PLXNA2: variants seen among roughly 807,000 people sequenced by gnomAD.
PLXNA2 encodes plexin A2.
Under a neutral mutation model 193.5 loss-of-function variants are expected in PLXNA2, and 91 were observed. The observed-to-expected ratio is 0.47, with a 90% CI of 0.40 to 0.56. PLXNA2 has a LOEUF of 0.56. Among genes scored for constraint, PLXNA2 ranks in the 20% least tolerant of loss-of-function variants. The pLI is 0.00. For synonymous variants in PLXNA2, 997 were observed against 1,027.3 expected (o/e 0.97, Z 0.56); for missense variants, 1,995 against 2,503.2 (o/e 0.80, Z 4.33).
chr1:208,094,125 A>G (rs1666799682), intron 8 of PLXNA2, among the ~76,000 whole-genome samples: 1 of 152,100 alleles, frequency 6.6e-6, no homozygotes. Flanking sequence ...ATGCTATCTC[A>G]TGTACTCTCA....
chr1:208,027,353 C>A lies in PLXNA2; in HGVS notation c.5590-15G>T. On this transcript the variant is annotated splice_polypyrimidine_tract_variant and intron_variant, in intron 31 of 31. Coordinates refer to ENST00000367033, the MANE Select transcript of PLXNA2 (RefSeq NM_025179.4). ...GCCCCGATGAGCTGAGGAGCAAAAA[C>A]AAAGGCAGGAAGACTTCAGGACTCA... The A allele has an allele frequency of 6.2e-7, 1 of 1,609,092 alleles. No individual in the cohort carries two copies. Among genetic ancestry groups the A allele is most frequent in the Non-Finnish European group, 8.5e-7 (1 of 1,178,362 alleles).
intron 12 of PLXNA2, among the ~76,000 whole-genome samples, chr1:208,077,661 G>A (rs1346930620): frequency 1.3e-5 from 2 of 152,224 alleles, no homozygotes; most frequent in Non-Finnish European, 2.9e-5. Flanking sequence ...CAGGGGGAAG[G>A]CACGGAGCCC....
chr1:208,219,561 A>G (rs1671254822), intron 1 of PLXNA2, among the ~76,000 whole-genome samples: 1 of 152,244 alleles, frequency 6.6e-6, no homozygotes, highest in Non-Finnish European at 1.5e-5. Flanking sequence ...GCAGCTTAGG[A>G]GAGGCCTTTC....
intron 3 of PLXNA2, among the ~76,000 whole-genome samples, chr1:208,202,095 T>C (rs1670570215): frequency 6.6e-6 from 1 of 151,960 alleles, no homozygotes; most frequent in Non-Finnish European, 1.5e-5. Context: ...TCCCCCACCT[T>C]GGCCTCCTGA....
chr1:208,179,540 A>T (rs990659358), intron 3 of PLXNA2, among the ~76,000 whole-genome samples: 1 of 151,960 alleles, frequency 6.6e-6, no homozygotes, highest in African/African-American at 2.4e-5. Context: ...CACCAGACCA[A>T]CCCTTGGTTC....
chr1:208,095,344 T>C (rs1666845740), intron 8 of PLXNA2, among the ~76,000 whole-genome samples: 1 of 152,202 alleles, frequency 6.6e-6, no homozygotes, highest in Non-Finnish European at 1.5e-5. Context: ...TCTCACACAG[T>C]TGTGGGGTCT....
chr1:208,215,726 A>G (rs145669760), intron 2 of PLXNA2, among the ~76,000 whole-genome samples: 127 of 151,988 alleles, frequency 8.4e-4, no homozygotes, highest in Admixed American at 3.5e-3. Context: ...GGAGGGAAGG[A>G]AAGGGGATGG....
intron 3 of PLXNA2, among the ~76,000 whole-genome samples, chr1:208,194,553 A>C (rs552650471): frequency 1.3e-5 from 2 of 152,140 alleles, no homozygotes; most frequent in African/African-American, 4.8e-5. Flanking sequence ...ATACATTTTA[A>C]ATGCACGCCA....
intron 3 of PLXNA2, among the ~76,000 whole-genome samples, chr1:208,166,778 A>G (rs1272034): frequency 0.95 from 144,009 of 152,246 alleles, 68,612 homozygotes; most frequent in East Asian, 1. Flanking sequence ...AGGAGAGGGG[A>G]AACACATATT....
chr1:208,103,103 G>T, intron 5 of PLXNA2, 44 bp downstream of exon 5: 1 of 1,366,994 alleles, frequency 7.3e-7, no homozygotes, highest in Non-Finnish European at 1.0e-6. Context: ...GAAAGCCCCG[G>T]TCTTCTGCAT....
At chr1:208,042,477 G>A (rs1484092507) in intron 21 of PLXNA2, 111 bp from the exon 22 acceptor site, 1 of 1,186,396 alleles carries the variant, frequency 8.4e-7, no homozygotes, top group Non-Finnish European at 1.2e-6. Flanking sequence ...AGGACCCTAT[G>A]TTTGAGGCCT....
chr1:208,160,944 C>A (rs1669090144), intron 3 of PLXNA2, among the ~76,000 whole-genome samples: 1 of 152,234 alleles, frequency 6.6e-6, no homozygotes, highest in African/African-American at 2.4e-5. Context: ...ATGAGGGAAT[C>A]ACATCAGGAT....
chr1:208,033,368 C>T lies in PLXNA2; in HGVS notation c.5006G>A (p.Gly1669Asp), dbSNP rs754683785. The change falls in exon 28 of 32, where the codon GGC becomes GAC. Residue 1669 changes from glycine (G) to aspartate (D), a missense_variant. Physicochemically the swap from Gly to Asp is moderately conservative, Grantham distance 94 (BLOSUM62 -1). Coordinates refer to ENST00000367033, the MANE Select transcript of PLXNA2 (RefSeq NM_025179.4). ...DHGDQKEGDR[G>D]SKMVSEIYLT... ...GTAGATCTCGGACACCATCTTGCTG[C>T]CCCGGTCACCCTCCTTCTGGTCACC... 1.2e-6 allele frequency: 2 copies of T among 1,611,536 alleles called. No homozygotes were observed. The highest frequency in any genetic ancestry group is 2.3e-5 in the East Asian group (1 of 44,148).
rs563496385 is a variant in PLXNA2 at position 208,071,045 on chromosome 1, G to A, written c.2586+8215C>T. Among the ~76,000 whole-genome samples the A allele has an allele frequency of 2.0e-5, 3 of 152,336 alleles. No individual in the cohort carries two copies. In the South Asian group the frequency reaches 6.2e-4, roughly 32 times the overall value. On this transcript the variant is annotated intron_variant, in intron 12 of 31. Transcript: ENST00000367033. ...AGGGGAGGTGGTTGGTGGGGACATT[G>A]CCCAGCGTGGCATTGGCTGCCCCTC... is the stretch of plus-strand genomic sequence containing the variant.
intron 3 of PLXNA2, among the ~76,000 whole-genome samples, chr1:208,184,448 T>C (rs551682583): frequency 1.2e-3 from 176 of 151,026 alleles, no homozygotes; most frequent in Middle Eastern, 3.4e-3. Flanking sequence ...AAGGAAAGTA[T>C]ACCAAGGCCA....
In PLXNA2 at chr1:208,038,222, A is replaced by C. The variant is rs965056718; in HGVS notation, c.4764+149T>G. 1 of 630,842 alleles carries C rather than the reference A, an allele frequency of 1.6e-6. No individual in the cohort carries two copies. The highest frequency in any genetic ancestry group is 2.9e-6 in the Non-Finnish European group (1 of 348,390). 39.1% of individuals were successfully genotyped at this position (630,842 alleles called of 1,614,324 possible). On this transcript the variant is annotated intron_variant, in intron 26 of 31. Coordinates refer to ENST00000367033, the MANE Select transcript of PLXNA2 (RefSeq NM_025179.4). The surrounding 1 kb of genome is among the most constrained non-coding windows in gnomAD (Gnocchi z 4.1). ...CCCTCAGTAATTCCAATGGGCAGCC[A>C]TGGCTAAGAATCCCTGTTCTATGCT...
intron 3 of PLXNA2, among the ~76,000 whole-genome samples, chr1:208,143,701 G>A (rs1371801804): frequency 6.6e-6 from 1 of 151,820 alleles, no homozygotes; most frequent in African/African-American, 2.4e-5. Flanking sequence ...CCTCTCTAAT[G>A]GCTAATTAAT....
chr1:208,081,579 G>C (rs1571894859), intron 11 of PLXNA2, among the ~76,000 whole-genome samples: 1 of 152,142 alleles, frequency 6.6e-6, no homozygotes. Flanking sequence ...AGACTGTCTT[G>C]GTTCCAATCC....
chr1:208,127,265 G>T (rs1031716805), intron 4 of PLXNA2, among the ~76,000 whole-genome samples: 24 of 48,628 alleles, frequency 4.9e-4, no homozygotes, highest in East Asian at 1.5e-3. Flanking sequence ...ATACACATAT[G>T]TGTGCATGTA....
Sources: allele counts gnomAD v4.1 joint callset (sites outside exome capture counted in the v4.1 genomes callset), GRCh38; gene constraint gnomAD v4.1.1; non-coding constraint Gnocchi (gnomAD v3.1); transcripts MANE v1.5; gene names NCBI Gene and HGNC (gene_info 2026-07-23, HGNC 2026-07-21).